Variants in AFF1 observed in about 807,000 individuals in gnomAD.
The protein encoded by AFF1 is ALF transcription elongation factor 1.
In AFF1, 48 loss-of-function variants were observed where a neutral mutation model predicts 121.7. That is an observed-to-expected ratio of 0.39 (90% CI 0.31 to 0.50). AFF1 has a LOEUF of 0.50. Ranked by LOEUF, AFF1 falls within the 20% of genes least tolerant of loss-of-function variation. The pLI is 0.76. For synonymous variants in AFF1, 613 were observed against 563.0 expected (o/e 1.09, Z -1.26); for missense variants, 1,523 against 1,511.7 (o/e 1.01, Z -0.12).
chr4:87,076,842 A>T (rs952691684), intron 4 of AFF1, among the ~76,000 whole-genome samples: 2 of 152,250 alleles, frequency 1.3e-5, no homozygotes, highest in African/African-American at 4.8e-5. Flanking sequence ...CAGCTGAAGT[A>T]GGCACACCCA....
intron 1 of AFF1, among the ~76,000 whole-genome samples, chr4:86,945,531 C>G (rs1427128455): frequency 8.5e-6 from 1 of 117,864 alleles, no homozygotes; most frequent in Non-Finnish European, 1.7e-5. Flanking sequence ...TAGACAGGGT[C>G]TCTGTTACCC....
chr4:87,012,208 A>C (rs1027457366), intron 2 of AFF1, among the ~76,000 whole-genome samples: 1 of 115,824 alleles, frequency 8.6e-6, no homozygotes, highest in Non-Finnish European at 1.7e-5. Context: ...AAACTTCTCC[A>C]TTTCATTTCT....
intron 4 of AFF1, among the ~76,000 whole-genome samples, chr4:87,069,517 T>TCCTCTTTCTCC (rs1721769331): frequency 2.2e-5 from 3 of 136,208 alleles, no homozygotes; most frequent in African/African-American, 6.3e-5. Flanking sequence ...TTCTCTCCTC[T>TCCTCTTTCTCC]CCCCTCCTCT....
chr4:87,080,909 T>C (rs1348123445), intron 4 of AFF1, among the ~76,000 whole-genome samples: 1 of 152,212 alleles, frequency 6.6e-6, no homozygotes, highest in African/African-American at 2.4e-5. Flanking sequence ...GATCTCATAC[T>C]ATGCAAACTT....
intron 5 of AFF1, among the ~76,000 whole-genome samples, chr4:87,085,945 G>A (rs963523507): frequency 6.6e-6 from 1 of 151,944 alleles, no homozygotes; most frequent in Non-Finnish European, 1.5e-5. Context: ...CACCATCTTG[G>A]CCAGGCTGGT....
At chr4:87,090,276 T>C (rs1724169694) in intron 6 of AFF1, among the ~76,000 whole-genome samples, 1 of 152,258 alleles carries the variant, frequency 6.6e-6, no homozygotes, top group African/African-American at 2.4e-5. Flanking sequence ...CATAAAGCTT[T>C]ATAATTTATA....
intron 8 of AFF1, among the ~76,000 whole-genome samples, chr4:87,099,609 G>T (rs937908402): frequency 6.6e-6 from 1 of 152,040 alleles, no homozygotes; most frequent in African/African-American, 2.4e-5. Context: ...GGGTTTCGCC[G>T]TTTGGCCCAG....
chr4:87,124,041 G>C (rs1331318838), intron 12 of AFF1, among the ~76,000 whole-genome samples: 1 of 152,176 alleles, frequency 6.6e-6, no homozygotes, highest in Non-Finnish European at 1.5e-5. Context: ...CAGAGCCATG[G>C]GAAGGAGGCC....
intron 1 of AFF1, among the ~76,000 whole-genome samples, chr4:86,938,263 A>G (rs375335853): frequency 6.6e-6 from 1 of 152,182 alleles, no homozygotes; most frequent in African/African-American, 2.4e-5. Context: ...CAGCCTGACC[A>G]ATATGGGGAA....
At chr4:87,005,255 A>G (rs1350298478) in intron 2 of AFF1, among the ~76,000 whole-genome samples, 1 of 152,162 alleles carries the variant, frequency 6.6e-6, no homozygotes, top group African/African-American at 2.4e-5. Flanking sequence ...CTGGGATTAC[A>G]GGCGTGAGCC....
intron 2 of AFF1, among the ~76,000 whole-genome samples, chr4:86,951,831 G>A (rs1721365951): frequency 6.6e-6 from 1 of 151,404 alleles, no homozygotes; most frequent in Admixed American, 6.6e-5. Flanking sequence ...GGCCAGGATG[G>A]TCTCGATATC....
At chr4:87,066,536 A>G (rs957289051) in intron 4 of AFF1, among the ~76,000 whole-genome samples, 2 of 152,164 alleles carry the variant, frequency 1.3e-5, no homozygotes, top group South Asian at 4.1e-4. Flanking sequence ...ACAGTGAGCT[A>G]TATGATTGCA....
At chr4:86,994,969 G>A (rs1578920273) in intron 2 of AFF1, among the ~76,000 whole-genome samples, 1 of 152,136 alleles carries the variant, frequency 6.6e-6, no homozygotes, top group Non-Finnish European at 1.5e-5. Context: ...GCCAGGCATG[G>A]TGGCTCACAC....
intron 2 of AFF1, among the ~76,000 whole-genome samples, chr4:87,043,831 T>C (rs1175973816): frequency 2.0e-5 from 3 of 152,134 alleles, no homozygotes; most frequent in African/African-American, 4.8e-5. Flanking sequence ...CTTTCTTTTT[T>C]TTTTTGAGAC....
At chr4:86,951,615 C>CTTTTTTTTTTTTTTTTTT (rs748093135) in intron 2 of AFF1, among the ~76,000 whole-genome samples, 6 of 124,944 alleles carry the variant, frequency 4.8e-5, no homozygotes, top group East Asian at 2.2e-4. Flanking sequence ...TTTCTTTTTT[C>CTTTTTTTTTTTTTTTTTT]TTTTTTTCTT....
At chr4:87,013,336 G>A (rs1207025250) in intron 2 of AFF1, among the ~76,000 whole-genome samples, 7 of 152,068 alleles carry the variant, frequency 4.6e-5, no homozygotes, top group South Asian at 2.1e-4. Context: ...CACCCTGTCC[G>A]GCTGAACTGC....
intron 4 of AFF1, among the ~76,000 whole-genome samples, chr4:87,072,865 T>C (rs10010932): frequency 0.077 from 11,758 of 152,218 alleles, 1,019 homozygotes; most frequent in African/African-American, 0.21. Context: ...TACTGGCGTT[T>C]GTCGAATGAT....
intron 2 of AFF1, among the ~76,000 whole-genome samples, chr4:87,022,580 A>ATATCTATCTATCTATCTATATC (rs1194224274): frequency 7.8e-5 from 7 of 89,356 alleles, no homozygotes; most frequent in African/African-American, 3.7e-4. Context: ...ATATATATAT[A>ATATCTATCTATCTATCTATATC]TATCTATCTA....
chr4:87,047,660 A>G (rs776752422), intron 4 of AFF1, 66 bp downstream of exon 4: 1 of 1,603,896 alleles, frequency 6.2e-7, no homozygotes, highest in South Asian at 1.1e-5. Context: ...AAATGTCCGG[A>G]GGATGTGGGG....
Sources: gnomAD v4.1 joint callset for allele counts (sites outside exome capture counted in the v4.1 genomes callset) on GRCh38, gnomAD v4.1.1 for gene constraint, MANE v1.5 for transcripts, NCBI Gene and HGNC (gene_info 2026-07-23, HGNC 2026-07-21) for gene names.